Variants in ERI1 observed in about 807,000 individuals in gnomAD.
ERI1 encodes 3'-5' exoribonuclease 1.
A neutral mutation model predicts 39.7 loss-of-function variants in ERI1; 39 were observed. The observed-to-expected ratio is 0.98, with a 90% confidence interval of 0.76 to 1.28. The LOEUF (loss-of-function observed/expected upper bound fraction) is 1.28. ERI1 is among the 50% of genes most tolerant of loss of function. The pLI is 0.00. For synonymous variants in ERI1, 204 were observed against 149.6 expected, an observed-to-expected ratio of 1.36 and a Z score of -2.65; for missense variants, 581 against 416.9, an observed-to-expected ratio of 1.39 and a Z score of -3.43.
chr8:9,004,371 T>A (rs1815726464), intron 1 of ERI1: 5 of 877,424 alleles, frequency 5.7e-6, no homozygotes, highest in Non-Finnish European at 7.3e-6. Context: ...TTCTTTATAT[T>A]TGAAAGTCTT....
At chr8:9,099,759 C>T (rs1799992969) in intron 3 of ERI1, 1 of 152,056 alleles carries the variant, frequency 6.6e-6, no homozygotes. Flanking sequence ...ATCAATGGAC[C>T]TTTGGGGTTG....
chr8:9,041,897 G>C (rs1436808632), intron 3 of ERI1, among the ~76,000 whole-genome samples: 1 of 152,132 alleles, frequency 6.6e-6, no homozygotes, highest in African/African-American at 2.4e-5. Flanking sequence ...ACCACGCCCA[G>C]CTGATTTTGT....
intron 3 of ERI1, chr8:9,048,404 A>G (rs1372379754): frequency 6.5e-6 from 1 of 154,388 alleles, no homozygotes; most frequent in Non-Finnish European, 1.5e-5. Context: ...TACTCAATTG[A>G]TAGTTTAAAA....
chr8:9,043,617 T>C (rs1186033202), intron 3 of ERI1, among the ~76,000 whole-genome samples: 1 of 152,252 alleles, frequency 6.6e-6, no homozygotes, highest in African/African-American at 2.4e-5. Flanking sequence ...AATTATTATG[T>C]ATTTGGTATT....
At chr8:9,086,055 C>A (rs1465036715) in intron 3 of ERI1, among the ~76,000 whole-genome samples, 1 of 152,120 alleles carries the variant, frequency 6.6e-6, no homozygotes, top group Non-Finnish European at 1.5e-5. Context: ...GGAAATAACT[C>A]CCGTCCTCTT....
At chr8:9,038,642 A>G (rs1797926395) in intron 3 of ERI1, among the ~76,000 whole-genome samples, 1 of 152,158 alleles carries the variant, frequency 6.6e-6, no homozygotes, top group South Asian at 2.1e-4. Flanking sequence ...CTGTAGTCCC[A>G]TCTACTTGGG....
At chr8:9,073,063 C>G (rs951221930) in intron 3 of ERI1, among the ~76,000 whole-genome samples, 6 of 152,198 alleles carry the variant, frequency 3.9e-5, no homozygotes, top group Non-Finnish European at 5.9e-5. Context: ...TTTTTATTCA[C>G]CACACTCATC....
chr8:9,006,385 T>C (rs976763177), intron 1 of ERI1, among the ~76,000 whole-genome samples: 1 of 152,354 alleles, frequency 6.6e-6, no homozygotes, highest in East Asian at 1.9e-4. Context: ...GAATAATTTT[T>C]CTAGCTACAG....
At chr8:9,084,840 G>T (rs987480573) in intron 3 of ERI1, among the ~76,000 whole-genome samples, 2 of 152,230 alleles carry the variant, frequency 1.3e-5, no homozygotes, top group African/African-American at 4.8e-5. Context: ...TTCTGAAGAA[G>T]CTGAAGTGGA....
At chr8:9,019,589 T>A (rs1817670642) in intron 5 of ERI1, among the ~76,000 whole-genome samples, 1 of 152,144 alleles carries the variant, frequency 6.6e-6, no homozygotes, top group African/African-American at 2.4e-5. Context: ...CATTAATAAT[T>A]TGGCAGCCCA....
chr8:9,039,807 G>C, intron 3 of ERI1, among the ~76,000 whole-genome samples: 1 of 152,248 alleles, frequency 6.6e-6, no homozygotes, highest in Middle Eastern at 3.4e-3. Flanking sequence ...TTAAGAGGTA[G>C]TAAATATTTC....
chr8:9,093,391 G>A (rs890900469), intron 3 of ERI1, among the ~76,000 whole-genome samples: 5 of 151,974 alleles, frequency 3.3e-5, no homozygotes, highest in Non-Finnish European at 7.4e-5. Context: ...AGTACTGGGG[G>A]TTGAAACTTT....
intron 3 of ERI1, among the ~76,000 whole-genome samples, chr8:9,074,096 T>G (rs1050109824): frequency 1.6e-4 from 24 of 150,636 alleles, no homozygotes; most frequent in African/African-American, 5.9e-4. Context: ...CCATACTTTT[T>G]TGTGTGTGTT....
At chr8:9,024,534 C>A (rs986930375) in intron 6 of ERI1, among the ~76,000 whole-genome samples, 6 of 152,120 alleles carry the variant, frequency 3.9e-5, no homozygotes, top group African/African-American at 1.4e-4. Context: ...AATTCTCCTG[C>A]CTCAGCGTCT....
At position 9,020,355 on chromosome 8, in the gene ERI1, G is replaced by A; in HGVS notation, c.698G>A (p.Trp233Ter). Reference protein sequence around the residue: ...YKYSLLTDGSWDMSKFLNIQC... With the variant: ...YKYSLLTDGS ...TGTCCTTTTTTAATTTATAGTTCTTGGGATATGAGTAAGTTCTTGAACATT... is the reference window on the plus strand; with the variant it reads ...TGTCCTTTTTTAATTTATAGTTCTTAGGATATGAGTAAGTTCTTGAACATT... Residue 233 changes from tryptophan to a stop codon, truncating the protein, a stop_gained, in exon 6 of 7, where the codon TGG (tryptophan) becomes TAG (stop). Transcript: ENST00000250263. LOFTEE classifies it high-confidence loss of function. The A allele has an allele frequency of 6.4e-7, 1 of 1,559,940 alleles. No homozygotes were observed. Among genetic ancestry groups the A allele is most frequent in the Non-Finnish European group, 8.6e-7 (1 of 1,156,408 alleles).
At chr8:9,070,677 C>T (rs564842286) in intron 3 of ERI1, among the ~76,000 whole-genome samples, 7 of 152,314 alleles carry the variant, frequency 4.6e-5, no homozygotes, top group African/African-American at 1.2e-4. Flanking sequence ...AGTCCACTTA[C>T]GCAGTGGAGT....
chr8:9,005,378 T>C (rs1815869618), intron 1 of ERI1, among the ~76,000 whole-genome samples: 1 of 152,050 alleles, frequency 6.6e-6, no homozygotes, highest in Non-Finnish European at 1.5e-5. Context: ...CAACAGATTG[T>C]GTTCCTTTAA....
At chr8:9,068,962 TGTG>T (rs1798969081) in intron 3 of ERI1, among the ~76,000 whole-genome samples, 2 of 152,056 alleles carry the variant, frequency 1.3e-5, no homozygotes, top group South Asian at 4.1e-4. Flanking sequence ...GGACTACAGG[TGTG>T]CACCACCATG....
intron 3 of ERI1, among the ~76,000 whole-genome samples, chr8:9,086,695 A>C (rs1310436783): frequency 6.6e-6 from 1 of 152,228 alleles, no homozygotes; most frequent in Non-Finnish European, 1.5e-5. Context: ...AAAAAATGAA[A>C]AGCAGCCTAA....
Sources: allele counts gnomAD v4.1 joint callset (sites outside exome capture counted in the v4.1 genomes callset), GRCh38; gene constraint gnomAD v4.1.1; transcripts MANE v1.5; gene names NCBI Gene and HGNC (gene_info 2026-07-23, HGNC 2026-07-21).